The following ATP2B4 variants were observed in gnomAD, a reference collection of about 807,000 sequenced individuals.
ATP2B4 encodes the protein ATPase plasma membrane Ca2+ transporting 4, also known as plasma membrane calcium-transporting ATPase 4.
ATP2B4 carries 39 observed loss-of-function variants against 110.3 expected under a neutral mutation model. That is an observed-to-expected ratio of 0.35 (90% confidence interval 0.27 to 0.46). The LOEUF (loss-of-function observed/expected upper bound fraction) is 0.46, where lower values mean the gene tolerates loss of function less well. ATP2B4 is among the 20% of genes least tolerant of loss of function. The pLI is 1.00. For missense variants in ATP2B4, 1,135 were observed against 1,530.9 expected (o/e 0.74, Z 4.32); for synonymous variants, 538 against 571.7 (o/e 0.94, Z 0.84).
chr1:203,631,148 C>G (rs1663254336), intron 1 of ATP2B4, among the ~76,000 whole-genome samples: 1 of 152,210 alleles, frequency 6.6e-6, no homozygotes, highest in Non-Finnish European at 1.5e-5. Flanking sequence ...GCCAAGGGCT[C>G]TGGGTCAGGG....
At chr1:203,703,144 T>C (rs1380507746) in intron 7 of ATP2B4, among the ~76,000 whole-genome samples, 1 of 149,662 alleles carries the variant, frequency 6.7e-6, no homozygotes, top group African/African-American at 2.5e-5. Flanking sequence ...TCTGGGGGTA[T>C]GTGTTTCTTC....
At chr1:203,663,683 C>T (rs1664417836) in intron 1 of ATP2B4, among the ~76,000 whole-genome samples, 1 of 151,850 alleles carries the variant, frequency 6.6e-6, no homozygotes, top group African/African-American at 2.4e-5. Flanking sequence ...TAGCTTACCG[C>T]AGCTTCAAAC....
chr1:203,717,296 T>G (rs1666184527), intron 15 of ATP2B4, among the ~76,000 whole-genome samples: 1 of 152,100 alleles, frequency 6.6e-6, no homozygotes, highest in Non-Finnish European at 1.5e-5. Flanking sequence ...TAATTACTGG[T>G]TTTTTTTAAA....
chr1:203,737,336 C>A (rs1179627170), intron 20 of ATP2B4, among the ~76,000 whole-genome samples: 4 of 152,138 alleles, frequency 2.6e-5, no homozygotes, highest in African/African-American at 4.8e-5. Flanking sequence ...AGGCACCTGC[C>A]CTCCTGTAAT....
Position 203,723,956 on chromosome 1 carries a change from T to C in ATP2B4, c.3100T>C (p.Phe1034Leu), listed in dbSNP as rs147064623. Residue 1034 changes from phenylalanine (F) to leucine (L), a missense_variant, in exon 19 of 21, where the codon TTC (phenylalanine) becomes CTC (leucine). Physicochemically the swap from Phe to Leu is conservative, Grantham distance 22 (BLOSUM62 0). Coordinates refer to ENST00000357681, the MANE Select transcript of ATP2B4 (RefSeq NM_001684.5). ...LSLSQWLWCL[F>L]IGIGELLWGQ... ...CCTGTCTCAGTGGCTGTGGTGTCTC[T>C]TCATTGGGATTGGAGAACTTCTGTG... The C allele has an allele frequency of 2.6e-5, 42 of 1,611,802 alleles. No individual in the cohort carries two copies. The African/African-American group carries it at 4.1e-4, about 16-fold the overall frequency.
intron 1 of ATP2B4, among the ~76,000 whole-genome samples, chr1:203,640,306 G>A (rs1216699055): frequency 6.6e-6 from 1 of 152,024 alleles, no homozygotes; most frequent in African/African-American, 2.4e-5. Flanking sequence ...CTTAGATCAA[G>A]ATCTAAAACA....
chr1:203,722,769 C>CTTTTCCTAGGTATG, intron 18 of ATP2B4, 80 bp downstream of exon 18: 2 of 1,347,950 alleles, frequency 1.5e-6, no homozygotes, highest in Non-Finnish European at 1.0e-6. Flanking sequence ...CCCTACATAC[C>CTTTTCCTAGGTATG]TAGGAAAAGG....
rs1459884790 is a variant in ATP2B4 at position 203,711,993 on chromosome 1, G to A, written c.2065G>A (p.Gly689Ser). 2 of 1,614,120 alleles carry A rather than the reference G, an allele frequency of 1.2e-6. No individual in the cohort carries two copies. The highest frequency in any genetic ancestry group is 1.7e-6 in the Non-Finnish European group (2 of 1,180,002). Residue 689 changes from glycine to serine, a missense_variant, in exon 13 of 21, where the codon GGC becomes AGC. Gly to Ser is a moderately conservative substitution (Grantham distance 56). This residue lies in a region of ATP2B4 where 368 missense variants were observed against 455.9 expected (regional missense o/e 0.81). Transcript: ENST00000357681. ...PDAIAKCKQA[G>S]ITVRMVTGDN... ...TGCTATTGCCAAATGCAAACAAGCT[G>A]GCATTACTGTCAGAATGGTGACAGG... is the stretch of plus-strand genomic sequence containing the variant.
intron 2 of ATP2B4, among the ~76,000 whole-genome samples, chr1:203,691,531 G>A (rs1035875294): frequency 6.6e-6 from 1 of 152,180 alleles, no homozygotes; most frequent in Non-Finnish European, 1.5e-5. Context: ...AAGAGCAGGG[G>A]GCGGGATAAA....
intron 17 of ATP2B4, 149 bp downstream of exon 17, chr1:203,721,559 A>G: frequency 1.4e-6 from 1 of 717,948 alleles, no homozygotes; most frequent in Non-Finnish European, 2.3e-6. Context: ...ACGGTGCATT[A>G]TGCTACTATA....
chr1:203,646,835 T>C (rs1382166860), intron 1 of ATP2B4, among the ~76,000 whole-genome samples: 5 of 152,088 alleles, frequency 3.3e-5, no homozygotes, highest in Non-Finnish European at 5.9e-5. Flanking sequence ...CTAGAAAGTG[T>C]GGAATATTCA....
intron 1 of ATP2B4, among the ~76,000 whole-genome samples, chr1:203,655,352 TAA>T (rs55718039): frequency 3.3e-5 from 5 of 151,888 alleles, no homozygotes; most frequent in East Asian, 3.9e-4. Flanking sequence ...CATGGGGATG[TAA>T]AAAAAAAGAG....
intron 2 of ATP2B4, among the ~76,000 whole-genome samples, chr1:203,693,629 G>C (rs1665447694): frequency 6.6e-6 from 1 of 152,164 alleles, no homozygotes; most frequent in South Asian, 2.1e-4. Flanking sequence ...AAAATTCATA[G>C]GTTTGGACTC....
At chr1:203,652,996 G>A (rs1014041603) in intron 1 of ATP2B4, among the ~76,000 whole-genome samples, 3 of 152,218 alleles carry the variant, frequency 2.0e-5, no homozygotes, top group Non-Finnish European at 2.9e-5. Flanking sequence ...TGAGGAAGTC[G>A]TGTTGAAAGC....
At chr1:203,668,927 G>T (rs1430951127) in intron 1 of ATP2B4, among the ~76,000 whole-genome samples, 1 of 152,210 alleles carries the variant, frequency 6.6e-6, no homozygotes, top group African/African-American at 2.4e-5. Context: ...ATAAGTATGG[G>T]ATAATAAAGT....
Position 203,683,010 on chromosome 1 carries a change from T to C in ATP2B4, c.-196T>C. On this transcript the variant is annotated 5_prime_UTR_variant, in exon 2 of 21. Coordinates refer to ENST00000357681, the MANE Select transcript of ATP2B4 (RefSeq NM_001684.5). The stretch of plus-strand genomic sequence containing the variant: ...TTCCTCCTCTCGCTGCCAGACTTCA[T>C]ACGGAAGAAAGGATCTAGACTTCGG... The C allele has an allele frequency of 1.9e-6, 1 of 534,568 alleles. No individual in the cohort carries two copies. The highest frequency in any genetic ancestry group is 3.3e-6 in the Non-Finnish European group (1 of 307,626). The allele number at this position is 534,568 out of a possible 1,614,324, so 33.1% of individuals were successfully genotyped here.
At chr1:203,641,772 A>G (rs1296988390) in intron 1 of ATP2B4, among the ~76,000 whole-genome samples, 1 of 152,122 alleles carries the variant, frequency 6.6e-6, no homozygotes, top group Non-Finnish European at 1.5e-5. Flanking sequence ...CAGGCCTGAC[A>G]CCAAAGCTCA....
Position 203,668,570 on chromosome 1 carries a change from A to G in ATP2B4, c.-464-14172A>G, listed in dbSNP as rs189767357. Among the ~76,000 whole-genome samples, 308 of 152,308 alleles carry G rather than the reference A, an allele frequency of 2.0e-3. 3 individuals carry two copies. Among genetic ancestry groups the G allele is most frequent in the African/African-American group, 7.1e-3 (297 of 41,568 alleles). On this transcript the variant is annotated intron_variant, in intron 1 of 20. Transcript: ENST00000357681. ...GTTCCCACATAAATATTTGACTTAG[A>G]CAAGCAAGCTCCAGATGGACTGGGG...
intron 20 of ATP2B4, among the ~76,000 whole-genome samples, chr1:203,737,066 T>G (rs1021568293): frequency 1.3e-5 from 2 of 152,230 alleles, no homozygotes; most frequent in Middle Eastern, 6.8e-3. Flanking sequence ...AAAAGACATT[T>G]CCCATATTTT....
Sources: gnomAD v4.1 joint callset for allele counts (sites outside exome capture counted in the v4.1 genomes callset) on GRCh38, gnomAD v4.1.1 for gene constraint, gnomAD v4.1.1 regional missense constraint, MANE v1.5 for transcripts, NCBI Gene and HGNC (gene_info 2026-07-23, HGNC 2026-07-21) for gene names.